Variants in SEMA6D observed in about 807,000 individuals in gnomAD.
SEMA6D encodes the protein semaphorin 6D.
Under a neutral mutation model 106.6 loss-of-function variants are expected in SEMA6D, and 35 were observed. That is an observed-to-expected ratio of 0.33 (90% CI 0.25 to 0.44). The LOEUF (loss-of-function observed/expected upper bound fraction) is 0.44. Among genes scored for constraint, SEMA6D ranks in the 20% least tolerant of loss-of-function variants. The pLI is 1.00. For synonymous variants in SEMA6D, 499 were observed against 487.7 expected, an observed-to-expected ratio of 1.02 and a Z score of -0.31; for missense variants, 1,185 against 1,345.9, an observed-to-expected ratio of 0.88 and a Z score of 1.87.
intron 1 of SEMA6D, among the ~76,000 whole-genome samples, chr15:47,330,851 A>G (rs1181240773): frequency 6.6e-6 from 1 of 152,154 alleles, no homozygotes; most frequent in Non-Finnish European, 1.5e-5. Flanking sequence ...AGAGTGTGAG[A>G]GTCGCTGCTT....
chr15:47,616,177 C>CT (rs1187300654), intron 4 of SEMA6D, among the ~76,000 whole-genome samples: 3 of 137,620 alleles, frequency 2.2e-5, no homozygotes, highest in African/African-American at 8.0e-5. Context: ...TTTTTTTTTT[C>CT]TTTTTTTGAG....
chr15:47,252,227 G>A (rs766974645), intron 1 of SEMA6D, among the ~76,000 whole-genome samples: 2 of 152,056 alleles, frequency 1.3e-5, no homozygotes, highest in Non-Finnish European at 2.9e-5. Context: ...AATTATTATT[G>A]AGTGTTGCGA....
chr15:47,628,412 C>G (rs909989989), intron 4 of SEMA6D, among the ~76,000 whole-genome samples: 2 of 152,082 alleles, frequency 1.3e-5, no homozygotes, highest in Non-Finnish European at 2.9e-5. Flanking sequence ...TCTGCATCCT[C>G]ACTAGCATTT....
chr15:47,660,474 G>T (rs977680290), intron 4 of SEMA6D, among the ~76,000 whole-genome samples: 2 of 152,118 alleles, frequency 1.3e-5, no homozygotes, highest in African/African-American at 4.8e-5. Context: ...GTACAGGAAA[G>T]CATATATGGG....
At chr15:47,650,504 T>C (rs1596533635) in intron 4 of SEMA6D, among the ~76,000 whole-genome samples, 1 of 152,338 alleles carries the variant, frequency 6.6e-6, no homozygotes, top group South Asian at 2.1e-4. Context: ...TAGGCATAGC[T>C]GACACCAAGC....
At chr15:47,741,669 G>A (rs987327775) in intron 1 of SEMA6D, among the ~76,000 whole-genome samples, 10 of 152,078 alleles carry the variant, frequency 6.6e-5, no homozygotes, top group African/African-American at 1.7e-4. Context: ...AGCCGAGATC[G>A]TGCCATTGCG....
intron 3 of SEMA6D, among the ~76,000 whole-genome samples, chr15:47,598,805 G>A (rs2076586856): frequency 6.6e-6 from 1 of 152,112 alleles, no homozygotes; most frequent in South Asian, 2.1e-4. Flanking sequence ...AGATATCTGT[G>A]TGGAAACCAT....
chr15:47,620,693 AATAT>A (rs72092074), intron 4 of SEMA6D, among the ~76,000 whole-genome samples: 1 of 132,926 alleles, frequency 7.5e-6, no homozygotes, highest in Admixed American at 7.6e-5. Flanking sequence ...TTGCCTTTAA[AATAT>A]ATATATATAT....
At chr15:47,437,416 T>C (rs2041753500) in intron 2 of SEMA6D, among the ~76,000 whole-genome samples, 1 of 152,140 alleles carries the variant, frequency 6.6e-6, no homozygotes, top group Non-Finnish European at 1.5e-5. Context: ...ATTAGTCATC[T>C]ACAAGCATGT....
intron 2 of SEMA6D, among the ~76,000 whole-genome samples, chr15:47,424,823 C>T (rs1193094704): frequency 1.3e-5 from 2 of 152,012 alleles, no homozygotes; most frequent in Non-Finnish European, 1.5e-5. Flanking sequence ...TTAATGTGAA[C>T]GTGTGCATGG....
At chr15:47,682,648 T>A (rs2078382163) in intron 4 of SEMA6D, among the ~76,000 whole-genome samples, 1 of 152,218 alleles carries the variant, frequency 6.6e-6, no homozygotes, top group Non-Finnish European at 1.5e-5. Context: ...ATGCTTCTTT[T>A]CCAGGATGGC....
upstream of SEMA6D, among the ~76,000 whole-genome samples, chr15:47,715,776 T>C (rs2079099482): frequency 6.6e-6 from 1 of 152,210 alleles, no homozygotes; most frequent in South Asian, 2.1e-4. Context: ...ATCTCCAGAA[T>C]TTAATTTTTT....
Position 47,770,847 on chromosome 15 carries a change from C to G in SEMA6D, c.2284C>G (p.Arg762Gly). 2 of 1,614,006 alleles carry G rather than the reference C, an allele frequency of 1.2e-6. No individual in the cohort carries two copies. The highest frequency in any genetic ancestry group is 1.7e-6 in the Non-Finnish European group (2 of 1,179,982). The change falls in exon 19 of 19, where the codon CGA (arginine) becomes GGA (glycine). Residue 762 changes from arginine (R) to glycine (G), a missense_variant. Physicochemically the swap from Arg to Gly is moderately radical, Grantham distance 125. Coordinates refer to ENST00000536845, the MANE Select transcript of SEMA6D (RefSeq NM_001358351.3). ...GDTKSMVMDH[R>G]GQPPELAALP... ...TACTAAATCCATGGTAATGGACCAT[C>G]GAGGGCAACCTCCAGAGTTGGCTGC...
chr15:47,389,463 A>G (rs1367277032), intron 1 of SEMA6D, among the ~76,000 whole-genome samples: 1 of 152,120 alleles, frequency 6.6e-6, no homozygotes, highest in East Asian at 1.9e-4. Flanking sequence ...GCTTTGACCC[A>G]CTTATTCCAT....
chr15:47,473,702 C>T (rs1343877928), intron 3 of SEMA6D, among the ~76,000 whole-genome samples: 4 of 152,134 alleles, frequency 2.6e-5, no homozygotes, highest in East Asian at 1.9e-4. Flanking sequence ...TTCAGAGACA[C>T]GTCTTCCAGA....
At chr15:47,404,872 C>T (rs1397765219) in intron 1 of SEMA6D, among the ~76,000 whole-genome samples, 1 of 152,130 alleles carries the variant, frequency 6.6e-6, no homozygotes, top group Non-Finnish European at 1.5e-5. Flanking sequence ...TCCTGCACTC[C>T]AGAAATCTGT....
intron 1 of SEMA6D, among the ~76,000 whole-genome samples, chr15:47,347,291 C>A (rs929712326): frequency 6.6e-6 from 1 of 152,158 alleles, no homozygotes; most frequent in African/African-American, 2.4e-5. Context: ...AAATTAAAAT[C>A]TAAATTAAAA....
chr15:47,692,936 AC>A lies in SEMA6D; in HGVS notation c.-54-66808del, dbSNP rs1331869980. Among the ~76,000 whole-genome samples, 12 of 128,390 alleles carry A rather than the reference AC, an allele frequency of 9.3e-5. 1 individual carries two copies. The highest frequency in any genetic ancestry group is 3.0e-4 in the African/African-American group (12 of 39,738). 84.2% of individuals were successfully genotyped at this position (128,390 alleles called of 152,430 possible). Reference sequence around the variant, plus strand: ...GGCTCTGGTTTTAATGGGAAATCTTACAAAAAGGAGTAGAGAGTATCCCTCT... The same window carrying A: ...GGCTCTGGTTTTAATGGGAAATCTTAAAAAAGGAGTAGAGAGTATCCCTCT... On this transcript the variant is annotated intron_variant, in intron 4 of 19. Transcript: ENST00000558014.
chr15:47,764,660 G>T lies in SEMA6D; in HGVS notation c.1120G>T (p.Gly374Cys). The change falls in exon 12 of 19, where the codon GGC (glycine) becomes TGC (cysteine). Residue 374 changes from glycine (G) to cysteine (C), a missense_variant. Physicochemically the swap from Gly to Cys is radical, Grantham distance 159. Coordinates refer to ENST00000536845, the MANE Select transcript of SEMA6D (RefSeq NM_001358351.3). ...KPRPGCCAKH[G>C]LAEAYKTSID... is the part of the protein sequence containing the mutation. Reference sequence around the variant, plus strand: ...CAGGCCTGGCTGTTGTGCAAAACACGGCCTTGCCGAAGCTTATAAAACCTC... The same window carrying T: ...CAGGCCTGGCTGTTGTGCAAAACACTGCCTTGCCGAAGCTTATAAAACCTC... 1 of 1,613,984 alleles carries T rather than the reference G, an allele frequency of 6.2e-7. No homozygotes were observed. Among genetic ancestry groups the T allele is most frequent in the Non-Finnish European group, 8.5e-7 (1 of 1,179,886 alleles).
Sources: gnomAD v4.1 joint callset for allele counts (sites outside exome capture counted in the v4.1 genomes callset) on GRCh38, gnomAD v4.1.1 for gene constraint, MANE v1.5 for transcripts, NCBI Gene and HGNC (gene_info 2026-07-23, HGNC 2026-07-21) for gene names.